The following PLEKHA4 variants were observed in gnomAD, a reference collection of about 807,000 sequenced individuals.
PLEKHA4 encodes the protein pleckstrin homology domain-containing family A member 4.
A neutral mutation model predicts 94.7 loss-of-function variants in PLEKHA4; 73 were observed. The ratio of observed to expected loss-of-function variants is 0.77; its 90% CI spans 0.64 to 0.94. The LOEUF (loss-of-function observed/expected upper bound fraction) is 0.94. PLEKHA4 is among the 40% of genes least tolerant of loss of function. PLEKHA4 has a pLI of 0.00. For missense variants in PLEKHA4, 1,049 were observed against 1,054.1 expected, an observed-to-expected ratio of 1.00 and a Z score of 0.07; for synonymous variants, 449 against 437.1, an observed-to-expected ratio of 1.03 and a Z score of -0.34.
In PLEKHA4 at chr19:48,846,348, G is replaced by A. The variant is rs555409669; in HGVS notation, c.1567-732C>T. Reference sequence around the variant, plus strand: ...TGCCTGTAGTCCCAGCTACTCGGGAGGCTGAGGCAGGAGAATGGTGTGAAC... The same window carrying A: ...TGCCTGTAGTCCCAGCTACTCGGGAAGCTGAGGCAGGAGAATGGTGTGAAC... On this transcript the variant is annotated intron_variant, in intron 14 of 19. Coordinates refer to ENST00000263265, the MANE Select transcript of PLEKHA4 (RefSeq NM_020904.3). 1.7e-4 allele frequency among the ~76,000 whole-genome samples: 25 copies of A among 150,752 alleles called. No individual in the cohort carries two copies. The East Asian group carries it at 3.6e-3, about 21-fold the overall frequency.
At chr19:48,864,352 G>C (rs2036755886) in intron 3 of PLEKHA4, among the ~76,000 whole-genome samples, 1 of 151,838 alleles carries the variant, frequency 6.6e-6, no homozygotes, top group Non-Finnish European at 1.5e-5. Flanking sequence ...TTTTTTAGTA[G>C]AGCCAGGGTT....
chr19:48,844,804 C>CT lies in PLEKHA4; in HGVS notation c.1743+565dup, dbSNP rs149141709. On this transcript the variant is annotated intron_variant, in intron 16 of 19. Transcript: ENST00000263265. ...CAGCATTCTGCTCCACTCAGGGTGT[C>CT]TTTTTTTTTTTTTTTTTTTTTTTTT... Among the ~76,000 whole-genome samples the CT allele has an allele frequency of 5.6e-3, 396 of 70,830 alleles. 14 individuals carry two copies. Among genetic ancestry groups the CT allele is most frequent in the Non-Finnish European group, 6.7e-3 (280 of 41,488 alleles). 46.5% of individuals were successfully genotyped at this position (70,830 alleles called of 152,430 possible).
Position 48,837,488 on chromosome 19 carries a change from G to A in PLEKHA4, c.2141C>T (p.Thr714Met), listed in dbSNP as rs199683358. 104 of 1,612,792 alleles carry A rather than the reference G, an allele frequency of 6.4e-5. No individual in the cohort carries two copies. The highest frequency in any genetic ancestry group is 8.6e-5 in the Non-Finnish European group (101 of 1,179,576). Residue 714 changes from threonine to methionine, a missense_variant, in exon 20 of 20, where the codon ACG becomes ATG. Transcript: ENST00000263265. The surrounding 1 kb of genome is among the most constrained non-coding windows in gnomAD (Gnocchi z 4.3). ...PGVPLPPSDP[T>M]RQETPPPRSP... ...TCTGGGGGGAGGGGTCTCCTGGCGC[G>A]TGGGGTCCGAAGGAGGCAGCGGCAC...
At chr19:48,850,394 C>T (rs2036137152) in intron 13 of PLEKHA4, among the ~76,000 whole-genome samples, 1 of 151,586 alleles carries the variant, frequency 6.6e-6, no homozygotes, top group Non-Finnish European at 1.5e-5. Flanking sequence ...GTCTCAGCTA[C>T]TGGGGAAGCT....
chr19:48,848,109 C>T, intron 13 of PLEKHA4, 69 bp from the exon 14 acceptor site: 3 of 1,473,286 alleles, frequency 2.0e-6, no homozygotes, highest in South Asian at 1.2e-5. Flanking sequence ...TAATAGGCCC[C>T]TGCAAAGGTC....
At position 48,857,409 on chromosome 19, in the gene PLEKHA4, C is replaced by A. The variant is rs1156320143; in HGVS notation, c.1047+13G>T. 1 of 1,460,804 alleles carries A rather than the reference C, an allele frequency of 6.8e-7. No individual in the cohort carries two copies. Among genetic ancestry groups the A allele is most frequent in the Non-Finnish European group, 9.3e-7 (1 of 1,074,890 alleles). The allele number at this position is 1,460,804 out of a possible 1,614,324, so 90.5% of individuals were successfully genotyped here. ...GGGGCTCCGGTAGATTTAGGGTACT[C>A]CAGGATACCTACCAATAAAACCATG... is the stretch of plus-strand genomic sequence containing the variant. On this transcript the variant is annotated intron_variant, in intron 9 of 19. Transcript: ENST00000263265.
intron 2 of PLEKHA4, among the ~76,000 whole-genome samples, chr19:48,866,091 T>C (rs1331744697): frequency 6.6e-6 from 1 of 151,710 alleles, no homozygotes; most frequent in Non-Finnish European, 1.5e-5. Context: ...GGAGGTGTTC[T>C]TATTGCAGAG....
chr19:48,860,485 C>A, intron 5 of PLEKHA4, 26 bp from the exon 6 acceptor site: 1 of 1,571,982 alleles, frequency 6.4e-7, no homozygotes, highest in Non-Finnish European at 8.8e-7. Context: ...GCTTGGAATC[C>A]GGACTCCCGG....
Position 48,858,873 on chromosome 19 carries a change from T to G in PLEKHA4, c.959A>C (p.Glu320Ala), listed in dbSNP as rs200380492. The G allele has an allele frequency of 3.7e-6, 6 of 1,612,652 alleles. No individual in the cohort carries two copies. The East Asian group carries it at 1.1e-4, about 30-fold the overall frequency. ...PPRSPQHWSQ[E>A]PRTQAHSGSP... is the part of the protein sequence containing the mutation. ...CTCTCTGCTCACCTGTGTTCTGGGC[T>G]CCTGACTCCAGTGCTGGGGACTCCT... Residue 320 changes from glutamate to alanine, a missense_variant, in exon 8 of 20, where the codon GAG becomes GCG. Transcript: ENST00000263265.
chr19:48,858,772 C>G, intron 8 of PLEKHA4, 88 bp downstream of exon 8: 1 of 1,458,896 alleles, frequency 6.9e-7, no homozygotes, highest in Non-Finnish European at 9.5e-7. Flanking sequence ...CCCATGACAC[C>G]CAGGGAGCAA....
chr19:48,853,948 G>A (rs985093210), intron 11 of PLEKHA4, 59 bp downstream of exon 11: 1 of 1,603,798 alleles, frequency 6.2e-7, no homozygotes, highest in Non-Finnish European at 8.5e-7. Context: ...CCGCATTCAG[G>A]AAGGGCTCAG....
chr19:48,837,201 C>T lies in PLEKHA4; in HGVS notation c.*88G>A, dbSNP rs970438736. ...GGCCCGCAATGGGGACCAGACCACG[C>T]CCCCTGATGCCCTGAGTGGTCCCAG... On this transcript the variant is annotated 3_prime_UTR_variant, in exon 20 of 20. Transcript: ENST00000263265. This position sits in a 1 kb window ranked among gnomAD's most constrained non-coding sequence, Gnocchi z 4.3. The T allele has an allele frequency of 1.9e-6, 3 of 1,588,528 alleles. No individual in the cohort carries two copies. Among genetic ancestry groups the T allele is most frequent in the Admixed American group, 1.7e-5 (1 of 59,368 alleles).
intron 3 of PLEKHA4, 69 bp downstream of exon 3, chr19:48,865,434 C>G (rs2036794287): frequency 8.4e-7 from 1 of 1,188,912 alleles, no homozygotes; most frequent in South Asian, 1.3e-5. Context: ...TGGGGACTTG[C>G]AAGGAGAGAG....
chr19:48,865,356 TAAAC>T (rs997726846), intron 3 of PLEKHA4, 143 bp downstream of exon 3: 37 of 595,216 alleles, frequency 6.2e-5, no homozygotes, highest in Middle Eastern at 2.7e-4. Flanking sequence ...AATAAATAAA[TAAAC>T]AAACAAACAA....
chr19:48,843,108 T>C (rs16982314), intron 16 of PLEKHA4, among the ~76,000 whole-genome samples: 1,841 of 152,252 alleles, frequency 0.012, 38 homozygotes, highest in South Asian at 0.066. Flanking sequence ...TAGGAAAGGC[T>C]CGATTGCTTT....
intron 16 of PLEKHA4, among the ~76,000 whole-genome samples, chr19:48,842,845 T>C (rs2035819625): frequency 6.6e-6 from 1 of 152,192 alleles, no homozygotes. Context: ...CATAGACAAA[T>C]CTGTCAGTGT....
At chr19:48,848,778 C>A (rs2036071919) in intron 13 of PLEKHA4, among the ~76,000 whole-genome samples, 1 of 147,316 alleles carries the variant, frequency 6.8e-6, no homozygotes, top group African/African-American at 2.5e-5. Context: ...GCCTGTGCAA[C>A]AGAGCGAGAC....
At chr19:48,852,436 G>A in intron 12 of PLEKHA4, 110 bp from the exon 13 acceptor site, 1 of 791,422 alleles carries the variant, frequency 1.3e-6, no homozygotes, top group Middle Eastern at 2.5e-4. Flanking sequence ...GGTCCCTGGA[G>A]CCCTGCAGGC....
intron 3 of PLEKHA4, among the ~76,000 whole-genome samples, chr19:48,864,743 G>A (rs1028116248): frequency 6.6e-6 from 1 of 151,608 alleles, no homozygotes; most frequent in Non-Finnish European, 1.5e-5. Flanking sequence ...GTGTGTGTGT[G>A]TATTTGTTGT....
Sources: allele counts gnomAD v4.1 joint callset (sites outside exome capture counted in the v4.1 genomes callset), GRCh38; gene constraint gnomAD v4.1.1; non-coding constraint Gnocchi (gnomAD v3.1); transcripts MANE v1.5; gene names NCBI Gene and HGNC (gene_info 2026-07-23, HGNC 2026-07-21).